Variants in IL7 observed in about 807,000 individuals in gnomAD.
IL7 encodes interleukin 7, also known as interleukin-7.
In IL7, 3 loss-of-function variants were observed where a neutral mutation model predicts 21.6. That is an observed-to-expected ratio of 0.14 (90% CI 0.06 to 0.36). IL7 has a LOEUF of 0.36. Among genes scored for constraint, IL7 ranks in the 10% least tolerant of loss-of-function variants. IL7 has a pLI of 1.00. For missense variants in IL7, 175 were observed against 200.2 expected (o/e 0.87, Z 0.76); for synonymous variants, 62 against 68.1 (o/e 0.91, Z 0.44).
chr8:78,802,128 G>A (rs1271759073), intron 1 of IL7, among the ~76,000 whole-genome samples: 1 of 152,166 alleles, frequency 6.6e-6, no homozygotes, highest in Admixed American at 6.5e-5. Flanking sequence ...AAGGAGGTCT[G>A]TCTAAAAATT....
intron 1 of IL7, among the ~76,000 whole-genome samples, chr8:78,802,745 T>C (rs773868364): frequency 6.6e-5 from 10 of 152,164 alleles, no homozygotes; most frequent in Admixed American, 1.3e-4. Flanking sequence ...AAAATTCCTG[T>C]ACATAATATA....
chr8:78,677,497 T>C (rs1809619465), intron 4 of IL7, among the ~76,000 whole-genome samples: 1 of 152,158 alleles, frequency 6.6e-6, no homozygotes. Flanking sequence ...CCTGTCCTAT[T>C]ATTTTGTGTT....
chr8:78,741,275 A>G (rs561176438), intron 2 of IL7, among the ~76,000 whole-genome samples: 1 of 152,322 alleles, frequency 6.6e-6, no homozygotes, highest in African/African-American at 2.4e-5. Context: ...TAAAAGATAC[A>G]TTTTCAATAA....
chr8:78,775,828 G>T (rs541719877), intron 2 of IL7, among the ~76,000 whole-genome samples: 3 of 152,170 alleles, frequency 2.0e-5, no homozygotes, highest in East Asian at 3.9e-4. Flanking sequence ...GATGATACAG[G>T]ATAGTCAGGG....
chr8:78,780,943 GT>G (rs1420191166), intron 2 of IL7, among the ~76,000 whole-genome samples: 9 of 152,102 alleles, frequency 5.9e-5, no homozygotes, highest in African/African-American at 2.2e-4. Flanking sequence ...TATTTAGGAT[GT>G]TAGCTCTTCT....
downstream of IL7, chr8:78,717,575 T>C: frequency 7.1e-7 from 1 of 1,415,718 alleles, no homozygotes; most frequent in Non-Finnish European, 9.5e-7. Context: ...ATCCTCTAGT[T>C]AGTTTGTGCT....
intron 3 of IL7, among the ~76,000 whole-genome samples, chr8:78,726,371 G>T (rs947034141): frequency 2.6e-5 from 4 of 151,866 alleles, no homozygotes; most frequent in Admixed American, 1.3e-4. Flanking sequence ...GTGAGAGCCC[G>T]GTACCTCTGG....
chr8:78,750,491 C>T (rs1812130147), intron 2 of IL7, among the ~76,000 whole-genome samples: 1 of 152,006 alleles, frequency 6.6e-6, no homozygotes, highest in Non-Finnish European at 1.5e-5. Context: ...TACCTATGGC[C>T]ATGAGGTTGG....
intron 3 of IL7, among the ~76,000 whole-genome samples, chr8:78,700,993 A>G (rs1006544337): frequency 1.3e-5 from 2 of 152,138 alleles, no homozygotes; most frequent in African/African-American, 4.8e-5. Flanking sequence ...TTTATTCTAT[A>G]TTAATGTTGA....
At chr8:78,774,360 T>C (rs1813062773) in intron 2 of IL7, among the ~76,000 whole-genome samples, 1 of 152,128 alleles carries the variant, frequency 6.6e-6, no homozygotes, top group Non-Finnish European at 1.5e-5. Flanking sequence ...TATATATTAA[T>C]TATATTCTAA....
chr8:78,762,198 G>GAACT, intron 2 of IL7: 2 of 1,590,836 alleles, frequency 1.3e-6, no homozygotes, highest in Non-Finnish European at 1.7e-6. Context: ...TTATCTCGAA[G>GAACT]AACTGTCCTA....
At chr8:78,722,119 T>A (rs1586041814) in intron 3 of IL7, among the ~76,000 whole-genome samples, 1 of 152,130 alleles carries the variant, frequency 6.6e-6, no homozygotes, top group African/African-American at 2.4e-5. Flanking sequence ...ATTTTGTATA[T>A]TGTCAATTTT....
intron 2 of IL7, among the ~76,000 whole-genome samples, chr8:78,771,782 T>C (rs989339696): frequency 7.2e-5 from 11 of 152,196 alleles, no homozygotes; most frequent in African/African-American, 2.4e-4. Flanking sequence ...CAAAAACTAA[T>C]ACCCTGTGCC....
Position 78,739,952 on chromosome 8 carries a change from G to A in IL7, c.228+50C>T, listed in dbSNP as rs140678093. 6.1e-5 allele frequency: 89 copies of A among 1,451,672 alleles called. No individual in the cohort carries two copies. The African/African-American group carries it at 1.2e-3, about 20-fold the overall frequency. The allele number at this position is 1,451,672 out of a possible 1,614,324, so 89.9% of individuals were successfully genotyped here. On this transcript the variant is annotated intron_variant, in intron 3 of 5. Coordinates refer to ENST00000263851, the MANE Select transcript of IL7 (RefSeq NM_000880.4). ...TCTAACAGAGGCACAAAAAATAGAA[G>A]CTTCTATAAAATCAAGCTTGAATGA...
intron 3 of IL7, chr8:78,724,219 A>G (rs891815777): frequency 6.6e-6 from 1 of 152,098 alleles, no homozygotes; most frequent in Admixed American, 6.6e-5. Flanking sequence ...TTTATCACCT[A>G]TGATTTTAAG....
intron 3 of IL7, among the ~76,000 whole-genome samples, chr8:78,696,103 C>T (rs575042606): frequency 8.6e-5 from 13 of 151,852 alleles, no homozygotes; most frequent in South Asian, 2.1e-4. Flanking sequence ...GGCGTGATCT[C>T]GGCTCACTGC....
chr8:78,747,971 G>A (rs1049870554), intron 2 of IL7, among the ~76,000 whole-genome samples: 8 of 152,194 alleles, frequency 5.3e-5, no homozygotes, highest in African/African-American at 1.9e-4. Flanking sequence ...GGAAAAGGGG[G>A]ATTCAGTAGC....
intron 3 of IL7, among the ~76,000 whole-genome samples, chr8:78,701,223 T>C (rs1012808521): frequency 1.3e-5 from 2 of 152,152 alleles, no homozygotes; most frequent in African/African-American, 4.8e-5. Flanking sequence ...CAGTTACCTG[T>C]ATTCTTAGGT....
At chr8:78,758,749 T>C (rs994030841) in intron 2 of IL7, among the ~76,000 whole-genome samples, 2 of 152,072 alleles carry the variant, frequency 1.3e-5, no homozygotes, top group South Asian at 2.1e-4. Context: ...ACATGTGACT[T>C]GATGTTTTTC....
Sources: gnomAD v4.1 joint callset for allele counts (sites outside exome capture counted in the v4.1 genomes callset) on GRCh38, gnomAD v4.1.1 for gene constraint, MANE v1.5 for transcripts, NCBI Gene and HGNC (gene_info 2026-07-23, HGNC 2026-07-21) for gene names.